The following FUNDC1 variants were observed in gnomAD, a reference collection of about 807,000 sequenced individuals.
FUNDC1 encodes FUN14 domain-containing protein 1.
Under a neutral mutation model 14.5 loss-of-function variants are expected in FUNDC1, and 10 were observed. The observed-to-expected ratio is 0.69, with a 90% CI of 0.43 to 1.17. FUNDC1 has a LOEUF of 1.17. Among genes scored for constraint, FUNDC1 ranks in the 50% most tolerant of loss-of-function variants. FUNDC1 has a pLI of 0.00. For synonymous variants in FUNDC1, 33 were observed against 39.7 expected (o/e 0.83, Z 0.64); for missense variants, 115 against 113.8 (o/e 1.01, Z -0.05).
chrX:44,529,898 T>C, intron 3 of FUNDC1, among the ~76,000 whole-genome samples: 1 of 112,498 alleles, frequency 8.9e-6, no homozygotes, highest in Non-Finnish European at 1.9e-5. Flanking sequence ...AGGCTGGTCT[T>C]GGACTCTTGG....
At chrX:44,529,853 A>AG (rs1569186237) in intron 3 of FUNDC1, among the ~76,000 whole-genome samples, 1 of 111,927 alleles carries the variant, frequency 8.9e-6, no homozygotes, top group Non-Finnish European at 1.9e-5. Flanking sequence ...TGCCTTAAAA[A>AG]AGAGAGAGAG....
chrX:44,535,651 CAGAGCAAGACTCTGTCTCAAAAAAAAAA>C (rs1161640229), intron 3 of FUNDC1, among the ~76,000 whole-genome samples: 30 of 70,918 alleles, frequency 4.2e-4, no homozygotes, highest in South Asian at 2.5e-3. Context: ...GCCTGGGTGA[CAGAGCAAGACTCTGTCTCAAAAAAAAAA>C]AAAAAAAAAA....
rs763018625 is a variant in FUNDC1, at chrX:44,524,167, T to C, written c.*31A>G. 2.2e-5 allele frequency: 23 copies of C among 1,053,229 alleles called. No homozygotes were observed. The Admixed American group carries it at 5.1e-4, about 23-fold the overall frequency. 86.8% of individuals were successfully genotyped at this position (1,053,229 alleles called of 1,213,427 possible). On this transcript the variant is annotated 3_prime_UTR_variant, in exon 5 of 5. Transcript: ENST00000378045. ...ATTGCTGCCACTTCTCTTCTCATAG[T>C]TGAATCCGTTATGGGAGAATATTCA...
At chrX:44,527,441 C>T (rs1177015486) in intron 3 of FUNDC1, 76 bp from the exon 4 acceptor site, 4 of 755,435 alleles carry the variant, frequency 5.3e-6, no homozygotes, top group African/African-American at 2.2e-5. Context: ...AATATATAAA[C>T]ACTTAAGAGT....
intron 3 of FUNDC1, among the ~76,000 whole-genome samples, chrX:44,534,322 T>A (rs1487243755): frequency 1.8e-5 from 2 of 108,776 alleles, no homozygotes; most frequent in African/African-American, 6.7e-5. Flanking sequence ...CATCTCTATT[T>A]AAAAAAAATT....
At chrX:44,531,362 AC>A (rs2038924913) in intron 3 of FUNDC1, among the ~76,000 whole-genome samples, 1 of 98,371 alleles carries the variant, frequency 1.0e-5, no homozygotes, top group Non-Finnish European at 2.0e-5. Flanking sequence ...ACACACACAC[AC>A]ACACACACGG....
chrX:44,539,547 A>G (rs1230552099), intron 2 of FUNDC1, among the ~76,000 whole-genome samples: 1 of 112,098 alleles, frequency 8.9e-6, no homozygotes, highest in Non-Finnish European at 1.9e-5. Flanking sequence ...AAGCTAGCAG[A>G]GAAACATAAA....
At chrX:44,536,244 G>A (rs1440905947) in intron 3 of FUNDC1, among the ~76,000 whole-genome samples, 1 of 106,471 alleles carries the variant, frequency 9.4e-6, no homozygotes, top group Non-Finnish European at 1.9e-5. Flanking sequence ...ACTTGAATCC[G>A]GGAGGTGGAA....
rs1172985545 is a variant in FUNDC1, at chrX:44,532,543, G to GTA, written c.262-5180_262-5179dup. 3.9e-4 allele frequency among the ~76,000 whole-genome samples: 41 copies of GTA among 104,063 alleles called. 1 individual carries two copies. Among genetic ancestry groups the GTA allele is most frequent in the African/African-American group, 8.1e-4 (22 of 27,122 alleles). 90.4% of individuals were successfully genotyped at this position (104,063 alleles called of 115,157 possible). On this transcript the variant is annotated intron_variant, in intron 3 of 4. Transcript: ENST00000378045. ...TAAATATATATATGTGTGTGTGTGT[G>GTA]TATATATATATATATTTTTTTTTTT...
At chrX:44,527,831 A>G in intron 3 of FUNDC1, among the ~76,000 whole-genome samples, 1 of 112,141 alleles carries the variant, frequency 8.9e-6, no homozygotes, top group South Asian at 3.6e-4. Flanking sequence ...TCATAAGCCA[A>G]TCAGTTATTA....
chrX:44,529,939 A>G (rs1296737220), intron 3 of FUNDC1, among the ~76,000 whole-genome samples: 1 of 112,495 alleles, frequency 8.9e-6, no homozygotes, highest in Non-Finnish European at 1.9e-5. Context: ...TTGGTCTCCC[A>G]AAGTGCTGGG....
At chrX:44,524,627 A>G (rs764660401) in intron 4 of FUNDC1, among the ~76,000 whole-genome samples, 27 of 111,586 alleles carry the variant, frequency 2.4e-4, no homozygotes, top group Non-Finnish European at 4.3e-4. Flanking sequence ...AAGATGCACA[A>G]AAAAAAATTC....
In FUNDC1 at chrX:44,524,187, T is replaced by C. The variant is rs767665437; in HGVS notation, c.*11A>G. The C allele has an allele frequency of 6.1e-6, 7 of 1,145,049 alleles. No homozygotes were observed. The South Asian group carries it at 1.1e-4, about 18-fold the overall frequency. 94.4% of individuals were successfully genotyped at this position (1,145,049 alleles called of 1,213,427 possible). A position where few individuals can be genotyped will look rare whatever the true frequency, so the allele number is the denominator to read the frequency against. On this transcript the variant is annotated 3_prime_UTR_variant, in exon 5 of 5. Coordinates refer to ENST00000378045, the MANE Select transcript of FUNDC1 (RefSeq NM_173794.4). ...CATAGTTGAATCCGTTATGGGAGAA[T>C]ATTCATGTCCTTAAGATGCAAGTCC...
intron 3 of FUNDC1, among the ~76,000 whole-genome samples, chrX:44,537,552 CAT>C (rs1466441114): frequency 9.0e-6 from 1 of 111,696 alleles, no homozygotes; most frequent in Non-Finnish European, 1.9e-5. Context: ...AGAAAGAAAA[CAT>C]ATATATTTTT....
At chrX:44,528,090 C>T (rs1288198469) in intron 3 of FUNDC1, among the ~76,000 whole-genome samples, 1 of 111,717 alleles carries the variant, frequency 9.0e-6, no homozygotes, top group African/African-American at 3.2e-5. Flanking sequence ...CAAGCCAGTC[C>T]AGTAACTCAG....
chrX:44,531,312 C>CACACACACA lies in FUNDC1; in HGVS notation c.262-3948_262-3947insTGTGTGTGT, dbSNP rs1477318576. Among the ~76,000 whole-genome samples, 25 of 22,796 alleles carry CACACACACA rather than the reference C, an allele frequency of 1.1e-3. 1 individual carries two copies. The highest frequency in any genetic ancestry group is 4.5e-3 in the South Asian group (2 of 447). The allele number at this position is 22,796 out of a possible 115,157, so 19.8% of individuals were successfully genotyped here. The stretch of plus-strand genomic sequence containing the variant: ...GCTTTCAGATGAAGATTCATGTTGG[C>CACACACACA]CAGACACACACACACACACACACAC... On this transcript the variant is annotated intron_variant, in intron 3 of 4. Transcript: ENST00000378045.
chrX:44,524,050 C>T lies in FUNDC1; in HGVS notation c.*148G>A. ...TACTAGTTTGCCAAGCTTCAGATGG[C>T]AAAATGCTAAGTTGTGAATTGAGTA... is the stretch of plus-strand genomic sequence containing the variant. On this transcript the variant is annotated 3_prime_UTR_variant, in exon 5 of 5. Transcript: ENST00000378045. 1 of 450,778 alleles carries T rather than the reference C, an allele frequency of 2.2e-6. No homozygotes were observed. Among genetic ancestry groups the T allele is most frequent in the Non-Finnish European group, 3.9e-6 (1 of 255,092 alleles). The allele number at this position is 450,778 out of a possible 1,213,427, so 37.1% of individuals were successfully genotyped here.
chrX:44,539,160 T>C (rs1016320285), intron 2 of FUNDC1, among the ~76,000 whole-genome samples: 2 of 111,927 alleles, frequency 1.8e-5, no homozygotes, highest in African/African-American at 6.5e-5. Context: ...ATGTTTTTTG[T>C]GTCTCATCTA....
Position 44,542,046 on chromosome X carries a change from T to G in FUNDC1, c.84A>C (p.Arg28Ser), listed in dbSNP as rs1288930711. The change falls in exon 2 of 5, where the codon AGA (arginine) becomes AGC (serine). Residue 28 changes from arginine to serine, a missense_variant. Physicochemically the swap from Arg to Ser is moderately radical, Grantham distance 110. Transcript: ENST00000378045. Reference protein sequence around the residue: ...YEVLDLTEYARRHQWWNRVFG... With the variant: ...YEVLDLTEYASRHQWWNRVFG... ...ACACTCGATTCCACCACTGGTGTCTTCTTGCATACTCAGTTAAATCCAACA... is the reference window on the plus strand; with the variant it reads ...ACACTCGATTCCACCACTGGTGTCTGCTTGCATACTCAGTTAAATCCAACA... The G allele has an allele frequency of 8.3e-7, 1 of 1,203,887 alleles. No homozygotes were observed. Among genetic ancestry groups the G allele is most frequent in the Admixed American group, 2.2e-5 (1 of 45,821 alleles).
Sources: allele counts gnomAD v4.1 joint callset (sites outside exome capture counted in the v4.1 genomes callset), GRCh38; gene constraint gnomAD v4.1.1; transcripts MANE v1.5; gene names NCBI Gene and HGNC (gene_info 2026-07-23, HGNC 2026-07-21).